TWSG1: variants seen among roughly 807,000 people sequenced by gnomAD.
TWSG1 encodes the protein twisted gastrulation protein homolog 1.
TWSG1 carries 15 observed loss-of-function variants against 23.0 expected under a neutral mutation model. The ratio of observed to expected loss-of-function variants is 0.65; its 90% confidence interval spans 0.44 to 1.00. The LOEUF is 1.00. Among genes scored for constraint, TWSG1 ranks in the 50% least tolerant of loss-of-function variants. The pLI is 0.00. For synonymous variants in TWSG1, 86 were observed against 92.8 expected (o/e 0.93, Z 0.42); for missense variants, 242 against 278.7 (o/e 0.87, Z 0.94).
intron 3 of TWSG1, among the ~76,000 whole-genome samples, chr18:9,368,847 C>G (rs1466491427): frequency 6.6e-6 from 1 of 152,074 alleles, no homozygotes; most frequent in Non-Finnish European, 1.5e-5. Context: ...ATTCGGGAGG[C>G]TGAGGCAGGA....
At chr18:9,339,732 G>A (rs1353332747) in intron 2 of TWSG1, among the ~76,000 whole-genome samples, 2 of 152,142 alleles carry the variant, frequency 1.3e-5, no homozygotes, top group Non-Finnish European at 2.9e-5. Flanking sequence ...GAACCCAGGA[G>A]GCGGAGGTTG....
chr18:9,398,026 A>C (rs1367609675), intron 4 of TWSG1, among the ~76,000 whole-genome samples: 2 of 147,762 alleles, frequency 1.4e-5, no homozygotes, highest in Non-Finnish European at 3.0e-5. Flanking sequence ...AAAAAAAAAA[A>C]ACCAAGAAAA....
chr18:9,343,408 A>T (rs1325024976), intron 2 of TWSG1, among the ~76,000 whole-genome samples: 2 of 151,654 alleles, frequency 1.3e-5, no homozygotes, highest in Admixed American at 6.6e-5. Flanking sequence ...GATTTTTTTT[A>T]AAAAACAGTT....
Position 9,399,624 on chromosome 18 carries a change from A to G in TWSG1, c.*97A>G. The G allele has an allele frequency of 9.0e-7, 1 of 1,114,678 alleles. No individual in the cohort carries two copies. The highest frequency in any genetic ancestry group is 1.2e-6 in the Non-Finnish European group (1 of 806,998). 69.0% of individuals were successfully genotyped at this position (1,114,678 alleles called of 1,614,324 possible). A position where few individuals can be genotyped will look rare whatever the true frequency, so the allele number is the denominator to read the frequency against. On this transcript the variant is annotated 3_prime_UTR_variant, in exon 5 of 5. Coordinates refer to ENST00000262120, the MANE Select transcript of TWSG1 (RefSeq NM_020648.6). Reference sequence around the variant, plus strand: ...TTGTATCTTGTATCAGAATCCCAGTAAGTTAAGTTGTAAAGACTTTGGAAT... The same window carrying G: ...TTGTATCTTGTATCAGAATCCCAGTGAGTTAAGTTGTAAAGACTTTGGAAT...
At chr18:9,362,722 A>AT (rs922625965) in intron 3 of TWSG1, among the ~76,000 whole-genome samples, 7 of 152,094 alleles carry the variant, frequency 4.6e-5, no homozygotes, top group Admixed American at 1.3e-4. Flanking sequence ...AGAGTTCTGC[A>AT]TTTTTTTCCA....
At chr18:9,377,770 A>G (rs999864887) in intron 3 of TWSG1, among the ~76,000 whole-genome samples, 3 of 151,878 alleles carry the variant, frequency 2.0e-5, no homozygotes, top group Admixed American at 1.3e-4. Context: ...CCCAGGCTGG[A>G]GTGCAGTGGC....
chr18:9,375,028 G>A (rs567321814), intron 3 of TWSG1, among the ~76,000 whole-genome samples: 133 of 152,174 alleles, frequency 8.7e-4, no homozygotes, highest in African/African-American at 3.1e-3. Context: ...TTAGCTGGGC[G>A]TGGTGGCGGA....
intron 2 of TWSG1, among the ~76,000 whole-genome samples, chr18:9,341,992 T>C (rs2040448403): frequency 6.6e-6 from 1 of 152,200 alleles, no homozygotes; most frequent in African/African-American, 2.4e-5. Flanking sequence ...AGTACTGCCC[T>C]TGAAATTTTC....
At chr18:9,393,393 C>T (rs1027647270) in intron 3 of TWSG1, among the ~76,000 whole-genome samples, 10 of 152,234 alleles carry the variant, frequency 6.6e-5, no homozygotes, top group African/African-American at 2.4e-4. Flanking sequence ...GGGGATACCT[C>T]CTCTCTGATC....
chr18:9,355,014 G>A (rs2040518815), intron 2 of TWSG1, among the ~76,000 whole-genome samples: 1 of 151,658 alleles, frequency 6.6e-6, no homozygotes, highest in Admixed American at 6.6e-5. Flanking sequence ...GGAGTGCAGT[G>A]GCCCCATCTC....
chr18:9,339,537 G>A (rs1351376609), intron 2 of TWSG1, among the ~76,000 whole-genome samples: 1 of 152,080 alleles, frequency 6.6e-6, no homozygotes, highest in Non-Finnish European at 1.5e-5. Flanking sequence ...GCCAAGGCTG[G>A]TCTCAACCTT....
chr18:9,390,335 G>A (rs983981058), intron 3 of TWSG1, among the ~76,000 whole-genome samples: 1 of 152,128 alleles, frequency 6.6e-6, no homozygotes, highest in Non-Finnish European at 1.5e-5. Context: ...CTAATTTTTT[G>A]TATTTTTAGT....
At chr18:9,344,421 G>T (rs1440419750) in intron 2 of TWSG1, among the ~76,000 whole-genome samples, 1 of 150,946 alleles carries the variant, frequency 6.6e-6, no homozygotes, top group African/African-American at 2.4e-5. Context: ...CACCTTTGTG[G>T]AGTGGTTATG....
At chr18:9,391,085 A>T (rs2040710225) in intron 3 of TWSG1, among the ~76,000 whole-genome samples, 1 of 152,232 alleles carries the variant, frequency 6.6e-6, no homozygotes, top group Non-Finnish European at 1.5e-5. Context: ...TTTACGTAAC[A>T]TTCTAAATCC....
intron 3 of TWSG1, among the ~76,000 whole-genome samples, chr18:9,371,037 T>TA (rs5823052): frequency 0.26 from 37,895 of 145,912 alleles, 4,883 homozygotes; most frequent in South Asian, 0.3. Context: ...AGATTAAACT[T>TA]AAAAAAAAAA....
intron 3 of TWSG1, among the ~76,000 whole-genome samples, chr18:9,389,629 C>T (rs1301584441): frequency 6.6e-6 from 1 of 152,154 alleles, no homozygotes; most frequent in Non-Finnish European, 1.5e-5. Flanking sequence ...TTCTCCTCAG[C>T]TCTTGCCATG....
At chr18:9,362,258 A>G (rs901289221) in intron 3 of TWSG1, among the ~76,000 whole-genome samples, 5 of 152,094 alleles carry the variant, frequency 3.3e-5, no homozygotes, top group African/African-American at 1.2e-4. Context: ...CCTAGGCTGG[A>G]GTGGAGTGGT....
chr18:9,366,012 AT>A (rs1176598587), intron 3 of TWSG1, among the ~76,000 whole-genome samples: 1 of 152,206 alleles, frequency 6.6e-6, no homozygotes, highest in African/African-American at 2.4e-5. Context: ...TTTCAAAAAA[AT>A]AAAAGAAAAA....
chr18:9,390,088 C>T (rs1202672164), intron 3 of TWSG1, among the ~76,000 whole-genome samples: 3 of 152,206 alleles, frequency 2.0e-5, no homozygotes, highest in African/African-American at 7.2e-5. Context: ...AGGCTCTTGC[C>T]TAGATCTTGA....
Sources: gnomAD v4.1 joint callset for allele counts (sites outside exome capture counted in the v4.1 genomes callset) on GRCh38, gnomAD v4.1.1 for gene constraint, MANE v1.5 for transcripts, NCBI Gene and HGNC (gene_info 2026-07-23, HGNC 2026-07-21) for gene names.